UBOX5: variants seen among roughly 807,000 people sequenced by gnomAD.
UBOX5 encodes U-box domain containing 5.
UBOX5 carries 28 observed loss-of-function variants against 39.0 expected under a neutral mutation model. The ratio of observed to expected loss-of-function variants is 0.72; its 90% CI spans 0.53 to 0.98. The LOEUF is 0.98. UBOX5 is among the 50% of genes least tolerant of loss of function. The pLI, the probability that UBOX5 is intolerant of heterozygous loss-of-function variation, is 0.00. For synonymous variants in UBOX5, 283 were observed against 275.5 expected (o/e 1.03, Z -0.27); for missense variants, 585 against 674.4 (o/e 0.87, Z 1.47).
chr20:3,143,232 C>T (rs2066533225), intron 1 of UBOX5, among the ~76,000 whole-genome samples: 1 of 150,320 alleles, frequency 6.7e-6, no homozygotes, highest in Non-Finnish European at 1.5e-5. Context: ...GCTTCAGCCT[C>T]CTGAGTTGCT....
In UBOX5 at chr20:3,149,032, G is replaced by T; in HGVS notation, c.-42+10734C>A. The T allele has an allele frequency of 3.7e-6, 6 of 1,613,612 alleles. No homozygotes were observed. The highest frequency in any genetic ancestry group is 5.1e-6 in the Non-Finnish European group (6 of 1,179,790). On this transcript the variant is annotated intron_variant, in intron 1 of 4. Transcript: ENST00000217173. This position sits in a 1 kb window ranked among gnomAD's most constrained non-coding sequence, Gnocchi z 4.1. ...AGGCAGAAGGACTGCAAAATGCTCG[G>T]TATCTTACAAGTTTTAATGACTTGA...
At chr20:3,139,600 C>T (rs1469114816) in intron 1 of UBOX5, among the ~76,000 whole-genome samples, 1 of 151,410 alleles carries the variant, frequency 6.6e-6, no homozygotes, top group Non-Finnish European at 1.5e-5. Flanking sequence ...CCATGTTTGC[C>T]AGCCTGGTCT....
Position 3,107,625 on chromosome 20 carries a change from A to G in UBOX5, c.*2481T>C, listed in dbSNP as rs1481966943. The G allele has an allele frequency of 6.6e-6, 1 of 152,246 alleles. No homozygotes were observed. Among genetic ancestry groups the G allele is most frequent in the African/African-American group, 2.4e-5 (1 of 41,462 alleles). 9.4% of individuals were successfully genotyped at this position (152,246 alleles called of 1,614,324 possible). A position where few individuals can be genotyped will look rare whatever the true frequency, so the allele number is the denominator to read the frequency against. On this transcript the variant is annotated 3_prime_UTR_variant, in exon 5 of 5. Transcript: ENST00000217173. The surrounding 1 kb of genome is among the most constrained non-coding windows in gnomAD (Gnocchi z 5.0). ...TTTCTAGGGGACAGAAACAGAGCCC[A>G]GTGGTGCCTAGCATGTTTCTGGCAA...
At chr20:3,155,074 A>G (rs1435909521) in intron 1 of UBOX5, among the ~76,000 whole-genome samples, 2 of 146,096 alleles carry the variant, frequency 1.4e-5, no homozygotes, top group African/African-American at 5.0e-5. Context: ...AAAAAAAAAG[A>G]AAAGAAAAGA....
At position 3,121,417 on chromosome 20, in the gene UBOX5, C is replaced by T; in HGVS notation, c.1222G>A (p.Glu408Lys). Residue 408 changes from glutamate (E) to lysine (K), a missense_variant, in exon 3 of 5, where the codon GAG becomes AAG. Glu to Lys is a moderately conservative substitution (Grantham distance 56). Transcript: ENST00000217173. ...CAGTCCATATGTGTCAGGCTGGGCT[C>T]ATTGGTGGCTTTCATTTTCTTAGCA... Reference protein sequence around the residue: ...HTAKKMKATNEPSLTHMDCST... With the variant: ...HTAKKMKATNKPSLTHMDCST... The T allele has an allele frequency of 1.2e-6, 2 of 1,613,794 alleles. No individual in the cohort carries two copies. The highest frequency in any genetic ancestry group is 1.7e-6 in the Non-Finnish European group (2 of 1,179,818).
chr20:3,151,443 T>C (rs1015640743), intron 1 of UBOX5, among the ~76,000 whole-genome samples: 2 of 152,182 alleles, frequency 1.3e-5, no homozygotes, highest in Non-Finnish European at 2.9e-5. Flanking sequence ...GTCTATTACA[T>C]AAAAAGTCTG....
At chr20:3,123,805 A>G (rs2066356491) in intron 1 of UBOX5, among the ~76,000 whole-genome samples, 2 of 152,254 alleles carry the variant, frequency 1.3e-5, no homozygotes, top group African/African-American at 4.8e-5. Context: ...GGTGGTAAGC[A>G]TCCTTGTCAT....
chr20:3,146,570 T>C (rs780090593), intron 1 of UBOX5: 2 of 572,554 alleles, frequency 3.5e-6, no homozygotes, highest in Non-Finnish European at 6.1e-6. Context: ...AAGAGTAACA[T>C]GTATACATTT....
intron 3 of UBOX5, 79 bp from the exon 4 acceptor site, chr20:3,115,545 T>C: frequency 2.8e-6 from 4 of 1,450,478 alleles, no homozygotes; most frequent in Non-Finnish European, 3.7e-6. Context: ...TCGAGGGCTG[T>C]AAAAACGGCA....
At chr20:3,137,282 TA>T (rs1173379062) in intron 1 of UBOX5, among the ~76,000 whole-genome samples, 5 of 152,280 alleles carry the variant, frequency 3.3e-5, no homozygotes, top group African/African-American at 1.2e-4. Flanking sequence ...ATTAAACTTT[TA>T]AAGATAATTG....
chr20:3,153,634 T>A (rs928925820), intron 1 of UBOX5, among the ~76,000 whole-genome samples: 4 of 152,208 alleles, frequency 2.6e-5, no homozygotes, highest in African/African-American at 7.2e-5. Flanking sequence ...CTGAACAATC[T>A]ATGGTCTTCT....
Position 3,141,861 on chromosome 20 carries a change from T to C in UBOX5, c.-42+17905A>G, listed in dbSNP as rs192165650. ...GACTCCACTCTACAAAATATAAAAA[T>C]TTAGCCAGATGTCGTAGTGTGCCCA... On this transcript the variant is annotated intron_variant, in intron 1 of 4. Coordinates refer to ENST00000217173, the MANE Select transcript of UBOX5 (RefSeq NM_014948.4). Among the ~76,000 whole-genome samples, 39 of 151,668 alleles carry C rather than the reference T, an allele frequency of 2.6e-4. No individual in the cohort carries two copies. In the East Asian group the frequency reaches 6.1e-3, roughly 24 times the overall value.
intron 1 of UBOX5, among the ~76,000 whole-genome samples, chr20:3,138,688 C>T (rs2066491110): frequency 6.6e-6 from 1 of 152,130 alleles, no homozygotes; most frequent in Admixed American, 6.5e-5. Flanking sequence ...GTTGGTTGCC[C>T]TGTCTCGAAG....
At position 3,109,796 on chromosome 20, in the gene UBOX5, G is replaced by A. The variant is rs1255172301; in HGVS notation, c.*310C>T. 9.3e-6 allele frequency: 4 copies of A among 429,776 alleles called. No individual in the cohort carries two copies. Among genetic ancestry groups the A allele is most frequent in the African/African-American group, 2.0e-5 (1 of 49,448 alleles). 26.6% of individuals were successfully genotyped at this position (429,776 alleles called of 1,614,324 possible). A position where few individuals can be genotyped will look rare whatever the true frequency, so the allele number is the denominator to read the frequency against. On this transcript the variant is annotated 3_prime_UTR_variant, in exon 5 of 5. Coordinates refer to ENST00000217173, the MANE Select transcript of UBOX5 (RefSeq NM_014948.4). The stretch of plus-strand genomic sequence containing the variant: ...TGCTGGACAGGGGGGTATGCGGACT[G>A]CACGGGGGGGCCCTCAGCAGGGGTC...
At chr20:3,151,819 G>A (rs1019950260) in intron 1 of UBOX5, 3 of 151,914 alleles carry the variant, frequency 2.0e-5, no homozygotes, top group Non-Finnish European at 4.4e-5. Flanking sequence ...AGAGACAGCA[G>A]GATGGCCAGG....
intron 4 of UBOX5, among the ~76,000 whole-genome samples, chr20:3,114,805 G>A (rs532360942): frequency 8.6e-5 from 13 of 151,998 alleles, no homozygotes; most frequent in South Asian, 4.1e-4. Flanking sequence ...AAAATTAGCC[G>A]GGCATGGTGG....
Position 3,110,028 on chromosome 20 carries a change from T to C in UBOX5, c.*78A>G. On this transcript the variant is annotated 3_prime_UTR_variant, in exon 5 of 5. Coordinates refer to ENST00000217173, the MANE Select transcript of UBOX5 (RefSeq NM_014948.4). ...TCTGTGCCTGGGGCCTGGCCAGACC[T>C]CAGGGGTGCTGTGGCCCTGCTCCTG... is the stretch of plus-strand genomic sequence containing the variant. 1 of 1,561,022 alleles carries C rather than the reference T, an allele frequency of 6.4e-7. No homozygotes were observed.
Position 3,110,163 on chromosome 20 carries a change from C to A in UBOX5, c.1569G>T (p.Thr523=). The A allele has an allele frequency of 6.2e-7, 1 of 1,613,382 alleles. No homozygotes were observed. The highest frequency in any genetic ancestry group is 8.5e-7 in the Non-Finnish European group (1 of 1,180,038). Reference sequence around the variant, plus strand: ...CAACCGGCCGCTGGCAGGCTGTGCACGTCATGGGCAGGGAGCGTTGCTTCT... The same window carrying A: ...CAACCGGCCGCTGGCAGGCTGTGCAAGTCATGGGCAGGGAGCGTTGCTTCT... ...LGEKQRSLPM[T]CTACQRPVAS... Residue 523 remains threonine (T), a synonymous_variant, in exon 5 of 5, where the codon ACG becomes ACT. Coordinates refer to ENST00000217173, the MANE Select transcript of UBOX5 (RefSeq NM_014948.4).
At chr20:3,138,108 A>G (rs1316904326) in intron 1 of UBOX5, among the ~76,000 whole-genome samples, 1 of 152,158 alleles carries the variant, frequency 6.6e-6, no homozygotes, top group Non-Finnish European at 1.5e-5. Context: ...TGCTGTTTCA[A>G]CTAAAAACAC....
Sources: allele counts gnomAD v4.1 joint callset (sites outside exome capture counted in the v4.1 genomes callset), GRCh38; gene constraint gnomAD v4.1.1; non-coding constraint Gnocchi (gnomAD v3.1); transcripts MANE v1.5; gene names NCBI Gene and HGNC (gene_info 2026-07-23, HGNC 2026-07-21).